The following C11orf91 variants were observed in gnomAD, a reference collection of about 807,000 sequenced individuals.
C11orf91 encodes uncharacterized protein C11orf91.
C11orf91 carries 10 observed loss-of-function variants against 14.3 expected under a neutral mutation model. The observed-to-expected ratio is 0.70, with a 90% CI of 0.43 to 1.18. The LOEUF is 1.18. Ranked by LOEUF, C11orf91 falls within the 50% of genes most tolerant of loss-of-function variation. The pLI is 0.00. For synonymous variants in C11orf91, 141 were observed against 130.6 expected (o/e 1.08, Z -0.54); for missense variants, 236 against 269.0 (o/e 0.88, Z 0.86).
intron 1 of C11orf91, 150 bp downstream of exon 1, chr11:33,700,095 G>A (rs1853095500): frequency 3.8e-6 from 3 of 789,882 alleles, no homozygotes; most frequent in Middle Eastern, 3.4e-4. Flanking sequence ...TCCAGGATAA[G>A]GGAGTCTGGG....
chr11:33,698,529 A>C lies in C11orf91; in HGVS notation c.497-15T>G, dbSNP rs1449156478. On this transcript the variant is annotated splice_polypyrimidine_tract_variant and intron_variant, in intron 1 of 1. Transcript: ENST00000379011. ...CAGGAATGTGTCTGCAGGAGAGCAA[A>C]ACAAACTTAGCCGTAATAGAGATAA... 3.9e-6 allele frequency: 6 copies of C among 1,526,640 alleles called. No individual in the cohort carries two copies. The allele number at this position is 1,526,640 out of a possible 1,614,324, so 94.6% of individuals were successfully genotyped here.
chr11:33,702,986 CTT>C (rs1564963302), upstream of C11orf91: 1 of 152,454 alleles, frequency 6.6e-6, no homozygotes, highest in Non-Finnish European at 1.5e-5. Context: ...AACATTAGCT[CTT>C]GTTATTACAT....
chr11:33,705,868 G>A, the C11orf91 span: 29 of 152,236 alleles, frequency 1.9e-4, no homozygotes, highest in African/African-American at 6.3e-4. Context: ...CAATATTTTA[G>A]GTTGCCTAAT....
chr11:33,704,758 C>A (rs764280450), upstream of C11orf91: 2 of 152,502 alleles, frequency 1.3e-5, no homozygotes, highest in Non-Finnish European at 2.9e-5. Flanking sequence ...CAAATTGTCA[C>A]CCTAGCCTTC....
chr11:33,699,427 C>G (rs1355838535), intron 1 of C11orf91: 1 of 409,872 alleles, frequency 2.4e-6, no homozygotes, highest in African/African-American at 2.0e-5. Context: ...CAAGGACAAG[C>G]CTTAGCCAAA....
upstream of C11orf91, chr11:33,704,050 T>G (rs1312343580): frequency 6.6e-6 from 1 of 151,816 alleles, no homozygotes; most frequent in East Asian, 1.9e-4. Flanking sequence ...CCTCCCCCAC[T>G]CCAGCTCTGC....
upstream of C11orf91, chr11:33,705,763 C>A (rs1853283801): frequency 6.6e-6 from 1 of 152,170 alleles, no homozygotes; most frequent in African/African-American, 2.4e-5. Flanking sequence ...TACATATATC[C>A]TACTAATTCT....
chr11:33,701,403 A>G (rs1853124845), upstream of C11orf91, among the ~76,000 whole-genome samples: 1 of 152,248 alleles, frequency 6.6e-6, no homozygotes, highest in Non-Finnish European at 1.5e-5. Flanking sequence ...ATAGACCTGA[A>G]GGAGTGTTTT....
Position 33,698,371 on chromosome 11 carries a change from C to T in C11orf91, c.*58G>A. 3.1e-6 allele frequency: 3 copies of T among 970,292 alleles called. No homozygotes were observed. Among genetic ancestry groups the T allele is most frequent in the Non-Finnish European group, 4.7e-6 (3 of 632,522 alleles). The allele number at this position is 970,292 out of a possible 1,614,324, so 60.1% of individuals were successfully genotyped here. ...CTTTGAAATGACAACAAATGGGACA[C>T]ATTATCTAAGCACTAACACCTAAGG... On this transcript the variant is annotated 3_prime_UTR_variant, in exon 2 of 2. Transcript: ENST00000379011.
upstream of C11orf91, chr11:33,703,363 C>T (rs1469251327): frequency 6.6e-6 from 1 of 152,160 alleles, no homozygotes; most frequent in Non-Finnish European, 1.5e-5. Context: ...AACAAATGTC[C>T]AGGAAACTCA....
rs773246914 is a variant in C11orf91 at position 33,700,625 on chromosome 11, A to C, written c.116T>G (p.Phe39Cys). 1.4e-6 allele frequency: 2 copies of C among 1,474,918 alleles called. No homozygotes were observed. The highest frequency in any genetic ancestry group is 2.6e-5 in the South Asian group (2 of 77,302). The allele number at this position is 1,474,918 out of a possible 1,614,324, so 91.4% of individuals were successfully genotyped here. A position where few individuals can be genotyped will look rare whatever the true frequency, so the allele number is the denominator to read the frequency against. The change falls in exon 1 of 2, where the codon TTC becomes TGC. Residue 39 changes from phenylalanine (F) to cysteine (C), a missense_variant. Coordinates refer to ENST00000379011, the MANE Select transcript of C11orf91 (RefSeq NM_001166692.2). ...RGISSSPLSD[F>C]NIWKKLFVPL... The stretch of plus-strand genomic sequence containing the variant: ...CACGAAGAGCTTCTTCCAGATGTTG[A>C]AGTCGCTGAGCGGGGACGAGGAGAT...
upstream of C11orf91, chr11:33,700,867 C>G (rs1853114148): frequency 1.1e-6 from 1 of 923,952 alleles, no homozygotes; most frequent in Non-Finnish European, 1.4e-6. Context: ...CCTTTCGCCT[C>G]AGCCCGGCCC....
upstream of C11orf91, chr11:33,702,974 T>G (rs1214688501): frequency 6.5e-6 from 1 of 153,290 alleles, no homozygotes; most frequent in Non-Finnish European, 1.5e-5. Context: ...TGGCTTGTGT[T>G]CAACATTAGC....
At chr11:33,702,375 G>A (rs1380764349), upstream of C11orf91, among the ~76,000 whole-genome samples, 1 of 152,140 alleles carries the variant, frequency 6.6e-6, no homozygotes, top group African/African-American at 2.4e-5. Flanking sequence ...CTTGAACCAA[G>A]GAGGCTGAGG....
At position 33,698,323 on chromosome 11, in the gene C11orf91, A is replaced by G; in HGVS notation, c.*106T>C. On this transcript the variant is annotated 3_prime_UTR_variant, in exon 2 of 2. Coordinates refer to ENST00000379011, the MANE Select transcript of C11orf91 (RefSeq NM_001166692.2). Reference sequence around the variant, plus strand: ...GCTGGTAGCAACAAGAACAGCGGTAAATACAGAACAGAAAATAACCATCTT... The same window carrying G: ...GCTGGTAGCAACAAGAACAGCGGTAGATACAGAACAGAAAATAACCATCTT... 1 of 741,074 alleles carries G rather than the reference A, an allele frequency of 1.3e-6. No homozygotes were observed. Among genetic ancestry groups the G allele is most frequent in the Non-Finnish European group, 2.3e-6 (1 of 434,274 alleles). The allele number at this position is 741,074 out of a possible 1,614,324, so 45.9% of individuals were successfully genotyped here. A position where few individuals can be genotyped will look rare whatever the true frequency, so the allele number is the denominator to read the frequency against.
chr11:33,703,452 C>G (rs1170277930), upstream of C11orf91: 1 of 152,234 alleles, frequency 6.6e-6, no homozygotes, highest in Non-Finnish European at 1.5e-5. Flanking sequence ...ACTATGTCAC[C>G]TACCTCTCCA....
At chr11:33,701,442 AAC>A (rs1187754437), upstream of C11orf91, among the ~76,000 whole-genome samples, 1 of 152,194 alleles carries the variant, frequency 6.6e-6, no homozygotes, top group East Asian at 1.9e-4. Flanking sequence ...TTCTCTTCCA[AAC>A]ACAGATATCA....
At chr11:33,699,294 C>A (rs111836128) in intron 1 of C11orf91, among the ~76,000 whole-genome samples, 1 of 152,246 alleles carries the variant, frequency 6.6e-6, no homozygotes, top group East Asian at 1.9e-4. Flanking sequence ...CATGGCCACA[C>A]GGACCTAAGC....
chr11:33,700,169 G>A (rs921908082), intron 1 of C11orf91, 76 bp downstream of exon 1: 28 of 1,433,754 alleles, frequency 2.0e-5, no homozygotes, highest in Non-Finnish European at 2.6e-5. Flanking sequence ...GCTACATTTC[G>A]GGTCGGGGCA....
Sources: gnomAD v4.1 joint callset for allele counts (sites outside exome capture counted in the v4.1 genomes callset) on GRCh38, gnomAD v4.1.1 for gene constraint, MANE v1.5 for transcripts, NCBI Gene and HGNC (gene_info 2026-07-23, HGNC 2026-07-21) for gene names.